Variants in LIMCH1 observed in about 807,000 individuals in gnomAD.
LIMCH1 encodes LIM and calponin homology domains 1.
A neutral mutation model predicts 176.5 loss-of-function variants in LIMCH1; 113 were observed. The observed-to-expected ratio is 0.64, with a 90% CI of 0.55 to 0.75. The LOEUF (loss-of-function observed/expected upper bound fraction) is 0.75, where lower values mean the gene tolerates loss of function less well. Among genes scored for constraint, LIMCH1 ranks in the 30% least tolerant of loss-of-function variants. LIMCH1 has a pLI of 0.00. For synonymous variants in LIMCH1, 619 were observed against 645.9 expected, an observed-to-expected ratio of 0.96 and a Z score of 0.63; for missense variants, 1,674 against 1,814.9, an observed-to-expected ratio of 0.92 and a Z score of 1.41.
intron 1 of LIMCH1, among the ~76,000 whole-genome samples, chr4:41,459,592 GT>G (rs1288175192): frequency 6.6e-6 from 1 of 152,152 alleles, no homozygotes. Flanking sequence ...GTGAGCCACT[GT>G]GCACAGCCCA....
chr4:41,505,507 G>A (rs2074033774), intron 2 of LIMCH1, among the ~76,000 whole-genome samples: 1 of 152,156 alleles, frequency 6.6e-6, no homozygotes, highest in Admixed American at 6.5e-5. Flanking sequence ...AGAGCTTGGG[G>A]ACTAGAGTGA....
chr4:41,613,224 A>C, intron 4 of LIMCH1: 3 of 915,856 alleles, frequency 3.3e-6, no homozygotes, highest in Admixed American at 6.3e-5. Context: ...AATATGAGTT[A>C]TTTGGGGATT....
chr4:41,364,826 A>G (rs2052721593), intron 1 of LIMCH1, among the ~76,000 whole-genome samples: 1 of 150,890 alleles, frequency 6.6e-6, no homozygotes, highest in East Asian at 2.0e-4. Context: ...GGTTGTGTCA[A>G]CTCCTGCTAG....
intron 1 of LIMCH1, among the ~76,000 whole-genome samples, chr4:41,395,691 A>T (rs1561230993): frequency 6.6e-6 from 1 of 151,728 alleles, no homozygotes; most frequent in Non-Finnish European, 1.5e-5. Flanking sequence ...TCTTGAGTGT[A>T]TTTTTTTTCT....
intron 1 of LIMCH1, among the ~76,000 whole-genome samples, chr4:41,480,782 T>C (rs1224430607): frequency 6.6e-6 from 1 of 152,236 alleles, no homozygotes; most frequent in Non-Finnish European, 1.5e-5. Flanking sequence ...CTCAAGTCAG[T>C]TACTAAGGCT....
chr4:41,552,354 G>A (rs937959708), intron 1 of LIMCH1, among the ~76,000 whole-genome samples: 2 of 152,078 alleles, frequency 1.3e-5, no homozygotes, highest in Non-Finnish European at 2.9e-5. Context: ...TCTGTGTGGT[G>A]CATCCTTTAT....
intron 1 of LIMCH1, among the ~76,000 whole-genome samples, chr4:41,573,693 C>T (rs77720595): frequency 0.011 from 1,625 of 152,028 alleles, 44 homozygotes; most frequent in African/African-American, 0.038. Context: ...CAATACTGCA[C>T]ATAAACCTTC....
intron 22 of LIMCH1, among the ~76,000 whole-genome samples, chr4:41,674,844 C>T (rs1228672605): frequency 6.6e-6 from 1 of 152,100 alleles, no homozygotes; most frequent in Admixed American, 6.6e-5. Context: ...CAGTTTCTAC[C>T]AACTCCATAT....
intron 7 of LIMCH1, among the ~76,000 whole-genome samples, chr4:41,624,989 T>C (rs186562004): frequency 6.6e-6 from 1 of 152,254 alleles, no homozygotes; most frequent in East Asian, 1.9e-4. Flanking sequence ...TCCTTCCACA[T>C]GAAACAGTGA....
chr4:41,460,476 A>ATC (rs2065203011), intron 1 of LIMCH1, among the ~76,000 whole-genome samples: 1 of 142,666 alleles, frequency 7.0e-6, no homozygotes, highest in African/African-American at 2.7e-5. Context: ...ATATATATAT[A>ATC]TATCTTATAA....
intron 1 of LIMCH1, among the ~76,000 whole-genome samples, chr4:41,477,035 C>T (rs1167678913): frequency 1.3e-5 from 2 of 152,158 alleles, no homozygotes; most frequent in Non-Finnish European, 2.9e-5. Context: ...TGCAACTCAA[C>T]TGATAATAGG....
At chr4:41,623,709 C>T (rs371305185) in intron 7 of LIMCH1, among the ~76,000 whole-genome samples, 1 of 152,054 alleles carries the variant, frequency 6.6e-6, no homozygotes, top group Non-Finnish European at 1.5e-5. Flanking sequence ...TGCAGTGAGC[C>T]GAGATCGTGT....
At chr4:41,670,907 A>T (rs990611062) in intron 21 of LIMCH1, 2 of 1,459,738 alleles carry the variant, frequency 1.4e-6, no homozygotes, top group African/African-American at 2.8e-5. Context: ...ATTATTTCTT[A>T]TGCACAGTTA....
intron 8 of LIMCH1, among the ~76,000 whole-genome samples, chr4:41,628,127 C>T (rs549636240): frequency 1.3e-5 from 2 of 152,226 alleles, no homozygotes; most frequent in South Asian, 4.1e-4. Context: ...TGTTGGCAGG[C>T]CTTGTAACAA....
At chr4:41,633,472 C>T (rs182992487) in intron 12 of LIMCH1, 76 bp from the exon 13 acceptor site, 338 of 1,482,066 alleles carry the variant, frequency 2.3e-4, no homozygotes, top group Non-Finnish European at 2.7e-4. Flanking sequence ...CTTGAATTAA[C>T]GCCAGTGAGT....
rs751602376 is a variant in LIMCH1 at position 41,650,399 on chromosome 4, G to A, written c.2827G>A (p.Gly943Arg). ...TTCATTCTGGCTTTTATAGGTAGAC[G>A]GGAAAGTCAGTGTGAATGGAGAGAC... ...QDVLKTFKVDGKVSVNGETVH... is the reference protein window; with the variant it reads ...QDVLKTFKVDRKVSVNGETVH... The change falls in exon 18 of 32, where the codon GGG becomes AGG. Residue 943 changes from glycine to arginine, a missense_variant. Gly to Arg is a moderately radical substitution (Grantham distance 125). Coordinates refer to ENST00000503057, the MANE Select transcript of LIMCH1 (RefSeq NM_001330672.2). 117 of 1,613,454 alleles carry A rather than the reference G, an allele frequency of 7.3e-5. No individual in the cohort carries two copies. The Middle Eastern group carries it at 9.9e-4, about 14-fold the overall frequency.
In LIMCH1 at chr4:41,494,756, A is replaced by G. The variant is rs1304034364; in HGVS notation, c.167+150A>G. On this transcript the variant is annotated intron_variant, in intron 2 of 26. Coordinates refer to the LIMCH1 transcript ENST00000313860. ...ATCCCTGGGCTAGACAAGAAACACA[A>G]GTCGGTGTGGGAGCCTTGGTGTGCC... The G allele has an allele frequency of 6.9e-6, 4 of 582,162 alleles. No individual in the cohort carries two copies. The East Asian group carries it at 9.0e-5, about 13-fold the overall frequency. The allele number at this position is 582,162 out of a possible 1,614,324, so 36.1% of individuals were successfully genotyped here.
intron 1 of LIMCH1, among the ~76,000 whole-genome samples, chr4:41,580,643 C>A (rs1007441332): frequency 5.3e-5 from 8 of 150,862 alleles, no homozygotes; most frequent in African/African-American, 1.7e-4. Flanking sequence ...ACAAAATAAA[C>A]CTAAAAAAAC....
rs146875934 is a variant in LIMCH1 at position 41,381,584 on chromosome 4, C to T, written c.96+20648C>T. Reference sequence around the variant, plus strand: ...AGTCTGTTTCCTGACTCCTTGGATTCGGGCAGGCCCTCTGACTTGCTTTGG... The same window carrying T: ...AGTCTGTTTCCTGACTCCTTGGATTTGGGCAGGCCCTCTGACTTGCTTTGG... On this transcript the variant is annotated intron_variant, in intron 1 of 26. Transcript: ENST00000313860. Among the ~76,000 whole-genome samples, 34 of 152,262 alleles carry T rather than the reference C, an allele frequency of 2.2e-4. No homozygotes were observed. The East Asian group carries it at 5.0e-3, about 22-fold the overall frequency.
Sources: allele counts gnomAD v4.1 joint callset (sites outside exome capture counted in the v4.1 genomes callset), GRCh38; gene constraint gnomAD v4.1.1; transcripts MANE v1.5; gene names NCBI Gene and HGNC (gene_info 2026-07-23, HGNC 2026-07-21).